Variants in LRRC37A2 observed in about 807,000 individuals in gnomAD.
LRRC37A2 encodes leucine-rich repeat-containing protein 37A2.
A neutral mutation model predicts 68.8 loss-of-function variants in LRRC37A2; 9 were observed. The observed-to-expected ratio is 0.13, with a 90% CI of 0.08 to 0.23. The LOEUF (loss-of-function observed/expected upper bound fraction) is 0.23. LRRC37A2 is among the 10% of genes least tolerant of loss of function. The pLI is 1.00. For synonymous variants in LRRC37A2, 63 were observed against 367.6 expected, an observed-to-expected ratio of 0.17 and a Z score of 9.48; for missense variants, 168 against 950.4, an observed-to-expected ratio of 0.18 and a Z score of 10.82.
the LRRC37A2 span, among the ~76,000 whole-genome samples, chr17:46,970,684 G>A: frequency 3.3e-5 from 5 of 152,170 alleles, no homozygotes; most frequent in Non-Finnish European, 7.3e-5. Context: ...CTCCACTCAC[G>A]TGGACGGGGG....
the LRRC37A2 span, among the ~76,000 whole-genome samples, chr17:46,989,557 A>C: frequency 1.3e-5 from 2 of 152,368 alleles, no homozygotes; most frequent in African/African-American, 2.4e-5. Context: ...GCTCAGGGAC[A>C]GGGATGTGAC....
At position 46,550,682 on chromosome 17, in the gene LRRC37A2, T is replaced by C. The variant is rs1377621684; in HGVS notation, c.4809+163T>C. On this transcript the variant is annotated intron_variant, in intron 11 of 14. Transcript: ENST00000576629. ...TGTATGCTTTGTTCTTTTACTGCAG[T>C]GTATATTTCAGGATTTTTAAAGGAT... is the stretch of plus-strand genomic sequence containing the variant. The C allele has an allele frequency of 1.5e-5, 11 of 715,840 alleles. 1 individual carries two copies. In the African/African-American group the frequency reaches 2.2e-4, roughly 14 times the overall value. The allele number at this position is 715,840 out of a possible 1,614,324, so 44.3% of individuals were successfully genotyped here.
chr17:46,946,420 C>T, the LRRC37A2 span, among the ~76,000 whole-genome samples: 6 of 146,626 alleles, frequency 4.1e-5, no homozygotes, highest in African/African-American at 1.5e-4. Flanking sequence ...GAGATCACGC[C>T]ATTGCACTCC....
At chr17:46,943,962 G>T in the LRRC37A2 span, among the ~76,000 whole-genome samples, 10 of 152,116 alleles carry the variant, frequency 6.6e-5, no homozygotes, top group African/African-American at 2.4e-4. Flanking sequence ...CTAATGCAGG[G>T]TATCTAGGAA....
At chr17:46,836,233 C>CA in the LRRC37A2 span, among the ~76,000 whole-genome samples, 2 of 151,750 alleles carry the variant, frequency 1.3e-5, no homozygotes, top group African/African-American at 4.9e-5. Flanking sequence ...AGGAAGCAGC[C>CA]AAAAGAGTGC....
At chr17:46,864,298 C>T in the LRRC37A2 span, among the ~76,000 whole-genome samples, 1 of 152,180 alleles carries the variant, frequency 6.6e-6, no homozygotes, top group African/African-American at 2.4e-5. Flanking sequence ...TTTGCCTTTC[C>T]CTGAACTTCC....
chr17:46,891,223 C>T, the LRRC37A2 span, among the ~76,000 whole-genome samples: 1 of 152,172 alleles, frequency 6.6e-6, no homozygotes, highest in East Asian at 1.9e-4. Context: ...CATATTTAAC[C>T]TTTGTGTAGC....
chr17:46,770,040 C>G, the LRRC37A2 span: 1 of 1,551,778 alleles, frequency 6.4e-7, no homozygotes, highest in Non-Finnish European at 8.7e-7. Context: ...AAGGCCGACT[C>G]GCGGGTGGCT....
the LRRC37A2 span, among the ~76,000 whole-genome samples, chr17:47,039,024 A>G: frequency 0.1 from 14,861 of 145,988 alleles, 863 homozygotes; most frequent in South Asian, 0.19. Flanking sequence ...GCAGATTCAC[A>G]TTAGTACTCC....
At chr17:47,026,141 T>C in the LRRC37A2 span, among the ~76,000 whole-genome samples, 4 of 152,038 alleles carry the variant, frequency 2.6e-5, no homozygotes, top group Admixed American at 2.0e-4. Context: ...CAGGAGGATG[T>C]TACTAGAACA....
chr17:46,803,698 G>A, the LRRC37A2 span, among the ~76,000 whole-genome samples: 2 of 152,188 alleles, frequency 1.3e-5, no homozygotes, highest in African/African-American at 4.8e-5. Context: ...ATCCCATGCT[G>A]GAGGCCCCAG....
the LRRC37A2 span, among the ~76,000 whole-genome samples, chr17:46,580,358 AAATG>A: frequency 8.8e-4 from 134 of 152,020 alleles, no homozygotes; most frequent in African/African-American, 3.1e-3. Flanking sequence ...AAACGCCTGT[AAATG>A]GTACATAACT....
chr17:46,724,183 C>G, the LRRC37A2 span, among the ~76,000 whole-genome samples: 1 of 152,172 alleles, frequency 6.6e-6, no homozygotes, highest in East Asian at 1.9e-4. Flanking sequence ...TGCTTCAAGT[C>G]TCAGGTTAAG....
chr17:46,815,065 G>A, the LRRC37A2 span, among the ~76,000 whole-genome samples: 2 of 152,150 alleles, frequency 1.3e-5, no homozygotes, highest in Non-Finnish European at 2.9e-5. Flanking sequence ...TCACACAGCG[G>A]CAGGGTGAGC....
chr17:46,863,548 G>A, the LRRC37A2 span, among the ~76,000 whole-genome samples: 1 of 152,190 alleles, frequency 6.6e-6, no homozygotes, highest in African/African-American at 2.4e-5. Flanking sequence ...AGAGGGGGAT[G>A]GGGCTGGCAA....
At chr17:46,718,417 C>T in the LRRC37A2 span, among the ~76,000 whole-genome samples, 1 of 152,114 alleles carries the variant, frequency 6.6e-6, no homozygotes, top group Non-Finnish European at 1.5e-5. Context: ...ATGATACATG[C>T]TTAATGAGTT....
At position 46,548,406 on chromosome 17, in the gene LRRC37A2, A is replaced by G. The variant is rs1228112572; in HGVS notation, c.3267A>G (p.Pro1089=). The change falls in exon 10 of 15, where the codon CCA becomes CCG. Residue 1089 remains proline, a synonymous_variant. Coordinates refer to ENST00000576629, the Ensembl canonical transcript of LRRC37A2. ...CAAGCACTGAGCTGATTGTTGAGCC[A>G]GAGGAGCCCTCAGACAGCAGTGGCA... is the stretch of plus-strand genomic sequence containing the variant. 5 of 691,650 alleles carry G rather than the reference A, an allele frequency of 7.2e-6. No homozygotes were observed. The South Asian group carries it at 7.8e-5, about 11-fold the overall frequency. The allele number at this position is 691,650 out of a possible 1,614,324, so 42.8% of individuals were successfully genotyped here. A position where few individuals can be genotyped will look rare whatever the true frequency, so the allele number is the denominator to read the frequency against.
chr17:46,526,735 T>C, intron 6 of LRRC37A2, among the ~76,000 whole-genome samples: 1 of 105,062 alleles, frequency 9.5e-6, no homozygotes, highest in Non-Finnish European at 2.1e-5. Context: ...AACTGGATTC[T>C]GCTGGCCCAA....
chr17:46,931,312 G>A, the LRRC37A2 span: 6 of 727,998 alleles, frequency 8.2e-6, no homozygotes, highest in Admixed American at 1.0e-4. Context: ...CGTACATGTT[G>A]AAAAACTATG....
Sources: gnomAD v4.1 joint callset for allele counts (sites outside exome capture counted in the v4.1 genomes callset) on GRCh38, gnomAD v4.1.1 for gene constraint, MANE v1.5 for transcripts, NCBI Gene and HGNC (gene_info 2026-07-23, HGNC 2026-07-21) for gene names.